Variants in RPF1 observed in about 807,000 individuals in gnomAD.
RPF1 encodes ribosome production factor 1 homolog.
In RPF1, 34 loss-of-function variants were observed where a neutral mutation model predicts 41.9. That is an observed-to-expected ratio of 0.81 (90% CI 0.62 to 1.08). RPF1 has a LOEUF of 1.08. Ranked by LOEUF, RPF1 falls within the 50% of genes least tolerant of loss-of-function variation. The pLI, the probability that RPF1 is intolerant of heterozygous loss-of-function variation, is 0.00. For missense variants in RPF1, 425 were observed against 435.2 expected (o/e 0.98, Z 0.21); for synonymous variants, 140 against 148.9 (o/e 0.94, Z 0.43).
At chr1:84,490,812 A>G (rs1681820519) in intron 5 of RPF1, among the ~76,000 whole-genome samples, 1 of 152,216 alleles carries the variant, frequency 6.6e-6, no homozygotes, top group Non-Finnish European at 1.5e-5. Flanking sequence ...TGCAGGATAT[A>G]GTGGGGACCC....
At chr1:84,484,585 A>T (rs1208717168) in intron 3 of RPF1, among the ~76,000 whole-genome samples, 2 of 152,044 alleles carry the variant, frequency 1.3e-5, no homozygotes, top group Non-Finnish European at 2.9e-5. Context: ...CCTTAATATG[A>T]GTTCGCCTGG....
At chr1:84,495,218 A>G (rs1681909593) in intron 5 of RPF1, among the ~76,000 whole-genome samples, 155 bp from the exon 6 acceptor site, 1 of 152,144 alleles carries the variant, frequency 6.6e-6, no homozygotes, top group Non-Finnish European at 1.5e-5. Context: ...TGAGCTTTTG[A>G]TATGGTAGGA....
intron 5 of RPF1, among the ~76,000 whole-genome samples, chr1:84,492,709 T>C (rs1681857574): frequency 6.6e-6 from 1 of 152,350 alleles, no homozygotes; most frequent in Non-Finnish European, 1.5e-5. Context: ...TATTTCTAAA[T>C]GGGGAACTAC....
chr1:84,483,118 G>A, intron 3 of RPF1, 123 bp downstream of exon 3: 1 of 564,580 alleles, frequency 1.8e-6, no homozygotes, highest in Non-Finnish European at 3.3e-6. Flanking sequence ...CAGCTAAAAT[G>A]TTGGCATATT....
In RPF1 at chr1:84,497,472, GT is replaced by G; in HGVS notation, c.*3del. 6.2e-7 allele frequency: 1 copy of G among 1,607,788 alleles called. No homozygotes were observed. ...AGTAGAAGAAAATTCCATTTATAAA[GT>G]ACTGAGAGAATGATATTGGATTTTG... On this transcript the variant is annotated 3_prime_UTR_variant, in exon 9 of 9. Transcript: ENST00000370654.
At chr1:84,482,537 A>C (rs949734348) in intron 2 of RPF1, among the ~76,000 whole-genome samples, 2 of 152,190 alleles carry the variant, frequency 1.3e-5, no homozygotes, top group African/African-American at 4.8e-5. Flanking sequence ...GCTTCCTGAA[A>C]GTATTGGAAC....
intron 1 of RPF1, among the ~76,000 whole-genome samples, chr1:84,480,046 GA>G (rs1417924672): frequency 3.3e-5 from 5 of 152,184 alleles, no homozygotes; most frequent in Admixed American, 3.3e-4. Context: ...AGGTTTAAAC[GA>G]CTTGTCAAGG....
intron 3 of RPF1, among the ~76,000 whole-genome samples, chr1:84,484,125 A>T (rs1681699365): frequency 6.6e-6 from 1 of 152,180 alleles, no homozygotes. Context: ...GACTACCTGG[A>T]GTAGAGAGGG....
rs1681963997 is a variant in RPF1 at position 84,497,519 on chromosome 1, C to G, written c.*49C>G. The G allele has an allele frequency of 7.4e-7, 1 of 1,359,568 alleles. No individual in the cohort carries two copies. Among genetic ancestry groups the G allele is most frequent in the Non-Finnish European group, 1.0e-6 (1 of 978,822 alleles). 84.2% of individuals were successfully genotyped at this position (1,359,568 alleles called of 1,614,324 possible). A position where few individuals can be genotyped will look rare whatever the true frequency, so the allele number is the denominator to read the frequency against. ...TTTTGCTGAACAGGCCTATCTTGAA[C>G]TTTGGTAAATTATTTTTGACAGAAT... On this transcript the variant is annotated 3_prime_UTR_variant, in exon 9 of 9. Coordinates refer to ENST00000370654, the MANE Select transcript of RPF1 (RefSeq NM_025065.7).
rs34273700 is a variant in RPF1, at chr1:84,492,521, A to C, written c.616+2049A>C. Among the ~76,000 whole-genome samples, 791 of 152,258 alleles carry C rather than the reference A, an allele frequency of 5.2e-3. 3 individuals carry two copies. The highest frequency in any genetic ancestry group is 9.8e-3 in the Non-Finnish European group (667 of 68,010). ...TTTAGTCACGTTTCTTAGCCACTCA[A>C]TTTCCTCGTTTTTTAAATGTGGGAA... On this transcript the variant is annotated intron_variant, in intron 5 of 8. Coordinates refer to ENST00000370654, the MANE Select transcript of RPF1 (RefSeq NM_025065.7).
Position 84,479,319 on chromosome 1 carries a change from A to G in RPF1, c.38A>G (p.Lys13Arg). 1 of 1,609,758 alleles carries G rather than the reference A, an allele frequency of 6.2e-7. No individual in the cohort carries two copies. Among genetic ancestry groups the G allele is most frequent in the South Asian group, 1.1e-5 (1 of 90,804 alleles). ...GGGGATAAGAGCAGCAGCAGCGGGA[A>G]GAAAAGTCTAAAACGGAAAGCCGCT... is the stretch of plus-strand genomic sequence containing the variant. ...KAGDKSSSSG[K>R]KSLKRKAAAE... Residue 13 changes from lysine to arginine, a missense_variant, in exon 1 of 9, where the codon AAG becomes AGG. Transcript: ENST00000370654.
chr1:84,491,900 C>T (rs1259600220), intron 5 of RPF1, among the ~76,000 whole-genome samples: 2 of 152,212 alleles, frequency 1.3e-5, no homozygotes, highest in Non-Finnish European at 2.9e-5. Context: ...GTGGCTCACA[C>T]CTGTAGTCCC....
At chr1:84,496,084 G>A (rs1409089721) in intron 7 of RPF1, 21 bp downstream of exon 7, 1 of 1,557,100 alleles carries the variant, frequency 6.4e-7, no homozygotes, top group Non-Finnish European at 8.7e-7. Flanking sequence ...TAAACTCATT[G>A]AACTTTGATT....
At chr1:84,479,885 G>T (rs567905765) in intron 1 of RPF1, among the ~76,000 whole-genome samples, 1 of 152,280 alleles carries the variant, frequency 6.6e-6, no homozygotes, top group African/African-American at 2.4e-5. Context: ...TGAAATGGAG[G>T]CAATACGTAA....
chr1:84,479,279 A>G lies in RPF1; in HGVS notation c.-3A>G. The stretch of plus-strand genomic sequence containing the variant: ...TCCGTACGGAAGCAAAGGAGCCAAG[A>G]CCATGGCGAAAGCCGGGGATAAGAG... On this transcript the variant is annotated 5_prime_UTR_variant, in exon 1 of 9. Coordinates refer to ENST00000370654, the MANE Select transcript of RPF1 (RefSeq NM_025065.7). 5.0e-6 allele frequency: 8 copies of G among 1,595,234 alleles called. No individual in the cohort carries two copies. The highest frequency in any genetic ancestry group is 6.8e-6 in the Non-Finnish European group (8 of 1,171,260).
At chr1:84,482,825 G>A in intron 2 of RPF1, 90 bp from the exon 3 acceptor site, 1 of 745,938 alleles carries the variant, frequency 1.3e-6, no homozygotes, top group Non-Finnish European at 2.3e-6. Context: ...TTGAGTTTGG[G>A]GTTATTTGTA....
intron 8 of RPF1, among the ~76,000 whole-genome samples, 196 bp downstream of exon 8, chr1:84,496,566 TAAAAAA>T (rs34913814): frequency 7.6e-6 from 1 of 131,872 alleles, no homozygotes; most frequent in South Asian, 2.4e-4. Flanking sequence ...ACCCTTGAAC[TAAAAAA>T]AAAAAAAAAA....
chr1:84,493,116 G>A (rs1681863379), intron 5 of RPF1, among the ~76,000 whole-genome samples: 1 of 152,108 alleles, frequency 6.6e-6, no homozygotes, highest in African/African-American at 2.4e-5. Context: ...TTTGGGTTTT[G>A]TACTTGGCTT....
intron 5 of RPF1, among the ~76,000 whole-genome samples, chr1:84,492,091 G>A (rs1681843455): frequency 6.6e-6 from 1 of 152,054 alleles, no homozygotes; most frequent in African/African-American, 2.4e-5. Context: ...AACCCGGGAG[G>A]CAAAGGTTGC....
Sources: allele counts gnomAD v4.1 joint callset (sites outside exome capture counted in the v4.1 genomes callset), GRCh38; gene constraint gnomAD v4.1.1; transcripts MANE v1.5; gene names NCBI Gene and HGNC (gene_info 2026-07-23, HGNC 2026-07-21).